The following CAMTA1 variants were observed in gnomAD, a reference collection of about 807,000 sequenced individuals.
CAMTA1 encodes the protein calmodulin binding transcription activator 1.
In CAMTA1, 27 loss-of-function variants were observed where a neutral mutation model predicts 170.9. The observed-to-expected ratio is 0.16, with a 90% confidence interval of 0.12 to 0.22. The LOEUF is 0.22. CAMTA1 is among the 10% of genes least tolerant of loss of function. The pLI is 1.00. For missense variants in CAMTA1, 1,619 were observed against 2,217.2 expected (o/e 0.73, Z 5.42); for synonymous variants, 833 against 891.5 (o/e 0.93, Z 1.17).
intron 3 of CAMTA1, among the ~76,000 whole-genome samples, chr1:6,923,946 A>G (rs1378051986): frequency 6.6e-6 from 1 of 152,058 alleles, no homozygotes; most frequent in Non-Finnish European, 1.5e-5. Context: ...TGTAGAATTC[A>G]CCAGAGAGAA....
chr1:6,922,065 C>T (rs1255275960), intron 3 of CAMTA1, among the ~76,000 whole-genome samples: 1 of 152,170 alleles, frequency 6.6e-6, no homozygotes, highest in African/African-American at 2.4e-5. Flanking sequence ...ATAAGAAGGC[C>T]ATCATTTCAA....
chr1:7,313,929 G>T (rs1677114524), intron 5 of CAMTA1, among the ~76,000 whole-genome samples: 1 of 152,132 alleles, frequency 6.6e-6, no homozygotes, highest in Non-Finnish European at 1.5e-5. Context: ...GCTCTCAGAG[G>T]CACAGAAGGG....
chr1:7,244,799 G>A (rs1189197147), intron 4 of CAMTA1, among the ~76,000 whole-genome samples: 1 of 152,042 alleles, frequency 6.6e-6, no homozygotes, highest in Non-Finnish European at 1.5e-5. Flanking sequence ...GCTAAACGAC[G>A]AGTTAATGGG....
chr1:7,507,588 T>C (rs1041785076), intron 6 of CAMTA1, among the ~76,000 whole-genome samples: 1 of 152,154 alleles, frequency 6.6e-6, no homozygotes, highest in Non-Finnish European at 1.5e-5. Context: ...TGACTCAAAT[T>C]GCATTTTCCG....
At chr1:6,858,923 A>G (rs1490058378) in intron 3 of CAMTA1, among the ~76,000 whole-genome samples, 1 of 152,260 alleles carries the variant, frequency 6.6e-6, no homozygotes, top group Non-Finnish European at 1.5e-5. Context: ...GACTTTACAT[A>G]TTAATGAAGA....
At chr1:7,210,167 T>A (rs567243320) in intron 4 of CAMTA1, among the ~76,000 whole-genome samples, 11 of 152,230 alleles carry the variant, frequency 7.2e-5, no homozygotes, top group Non-Finnish European at 1.3e-4. Context: ...CAAAATACAA[T>A]AATAAAAACA....
At chr1:7,201,402 A>C (rs2149011224) in intron 4 of CAMTA1, among the ~76,000 whole-genome samples, 1 of 152,286 alleles carries the variant, frequency 6.6e-6, no homozygotes, top group African/African-American at 2.4e-5. Flanking sequence ...TATCCACCTG[A>C]GTAAAATTGC....
intron 5 of CAMTA1, among the ~76,000 whole-genome samples, chr1:7,417,993 A>G (rs1473665202): frequency 6.6e-6 from 1 of 152,164 alleles, no homozygotes; most frequent in East Asian, 1.9e-4. Context: ...TGTGCCAAGC[A>G]TCAGGACCCT....
rs2096774479 is a variant in CAMTA1, at chr1:7,736,599, C to T, written c.3263+59C>T. The T allele has an allele frequency of 6.6e-7, 1 of 1,507,604 alleles. No individual in the cohort carries two copies. The highest frequency in any genetic ancestry group is 9.2e-7 in the Non-Finnish European group (1 of 1,086,328). The allele number at this position is 1,507,604 out of a possible 1,614,324, so 93.4% of individuals were successfully genotyped here. A position where few individuals can be genotyped will look rare whatever the true frequency, so the allele number is the denominator to read the frequency against. ...CTCGCACATCCTCGCTCACATTCTTCCTGAGCACTGCCACCCGTGGAAGAA... is the reference window on the plus strand; with the variant it reads ...CTCGCACATCCTCGCTCACATTCTTTCTGAGCACTGCCACCCGTGGAAGAA... On this transcript the variant is annotated intron_variant, in intron 13 of 22. Transcript: ENST00000303635. The surrounding 1 kb of genome is among the most constrained non-coding windows in gnomAD (Gnocchi z 4.5).
chr1:6,888,735 T>TACC (rs1195467469), intron 3 of CAMTA1, among the ~76,000 whole-genome samples: 3 of 152,256 alleles, frequency 2.0e-5, no homozygotes, highest in African/African-American at 7.2e-5. Context: ...ATGCCATGGT[T>TACC]ACCCCGTCTT....
intron 5 of CAMTA1, among the ~76,000 whole-genome samples, chr1:7,423,621 G>T (rs1424816253): frequency 6.6e-6 from 1 of 151,842 alleles, no homozygotes; most frequent in Non-Finnish European, 1.5e-5. Context: ...TCCTGCTTTT[G>T]TCAATGAACA....
At chr1:7,194,139 C>T (rs960753734) in intron 4 of CAMTA1, among the ~76,000 whole-genome samples, 2 of 152,186 alleles carry the variant, frequency 1.3e-5, no homozygotes, top group Admixed American at 6.5e-5. Flanking sequence ...CCATGACATG[C>T]GGCCTTTAGA....
chr1:7,298,088 A>C (rs1674230965), intron 5 of CAMTA1, among the ~76,000 whole-genome samples: 1 of 152,212 alleles, frequency 6.6e-6, no homozygotes, highest in South Asian at 2.1e-4. Flanking sequence ...AGACCATGTA[A>C]ATTCTTTTCA....
At chr1:7,658,243 G>T (rs2095922342) in intron 7 of CAMTA1, among the ~76,000 whole-genome samples, 1 of 152,242 alleles carries the variant, frequency 6.6e-6, no homozygotes, top group South Asian at 2.1e-4. Context: ...CCCACAGGGA[G>T]AGGCTCCCGT....
chr1:7,273,744 T>C (rs1670181746), intron 5 of CAMTA1, among the ~76,000 whole-genome samples: 1 of 152,118 alleles, frequency 6.6e-6, no homozygotes, highest in African/African-American at 2.4e-5. Context: ...AAATTATAGC[T>C]CAAAAATATG....
intron 3 of CAMTA1, among the ~76,000 whole-genome samples, chr1:7,027,804 A>G (rs914919935): frequency 1.3e-4 from 20 of 152,218 alleles, no homozygotes; most frequent in Admixed American, 1.3e-3. Context: ...AAGGTTGGGC[A>G]TGGATACAAA....
chr1:7,512,373 CAAG>C (rs1439332268), intron 6 of CAMTA1, among the ~76,000 whole-genome samples: 2 of 152,192 alleles, frequency 1.3e-5, no homozygotes, highest in Non-Finnish European at 2.9e-5. Context: ...GGAGGGATGA[CAAG>C]ATGCAATTTC....
chr1:7,544,250 A>G (rs1202479477), intron 6 of CAMTA1, among the ~76,000 whole-genome samples: 1 of 152,220 alleles, frequency 6.6e-6, no homozygotes, highest in Non-Finnish European at 1.5e-5. Flanking sequence ...AACCCCTGAT[A>G]AACCTATCAG....
intron 5 of CAMTA1, among the ~76,000 whole-genome samples, chr1:7,402,869 G>A (rs1324161518): frequency 6.6e-6 from 1 of 152,230 alleles, no homozygotes; most frequent in Admixed American, 6.5e-5. Context: ...CCTGCTGAGA[G>A]TAAGAAGTGT....
Sources: gnomAD v4.1 joint callset for allele counts (sites outside exome capture counted in the v4.1 genomes callset) on GRCh38, gnomAD v4.1.1 for gene constraint, Gnocchi (gnomAD v3.1) non-coding constraint, MANE v1.5 for transcripts, NCBI Gene and HGNC (gene_info 2026-07-23, HGNC 2026-07-21) for gene names.